The following MCPH1 variants were observed in gnomAD, a reference collection of about 807,000 sequenced individuals.
The protein encoded by MCPH1 is microcephalin.
In MCPH1, 104 loss-of-function variants were observed where a neutral mutation model predicts 84.5. That is an observed-to-expected ratio of 1.23 (90% confidence interval 1.05 to 1.45). The LOEUF (loss-of-function observed/expected upper bound fraction) is 1.45. MCPH1 is among the 40% of genes most tolerant of loss of function. The probability of loss-of-function intolerance (pLI) is 0.00; values close to 1 mark genes in which losing one functional copy is unlikely to be tolerated. For synonymous variants in MCPH1, 514 were observed against 366.8 expected, an observed-to-expected ratio of 1.40 and a Z score of -4.58; for missense variants, 1,498 against 1,005.7, an observed-to-expected ratio of 1.49 and a Z score of -6.62.
chr8:6,497,208 C>T (rs531597533), intron 11 of MCPH1, among the ~76,000 whole-genome samples: 11 of 151,882 alleles, frequency 7.2e-5, no homozygotes, highest in African/African-American at 2.2e-4. Flanking sequence ...GGGCTGGGTG[C>T]GGTGGCTCAC....
chr8:6,622,700 G>C (rs1831590381), intron 13 of MCPH1, among the ~76,000 whole-genome samples: 3 of 152,200 alleles, frequency 2.0e-5, no homozygotes, highest in Admixed American at 2.0e-4. Context: ...CTTGCAGACA[G>C]CTGCCTTCTT....
chr8:6,436,910 C>T (rs963389632), intron 5 of MCPH1, among the ~76,000 whole-genome samples: 11 of 151,882 alleles, frequency 7.2e-5, no homozygotes, highest in African/African-American at 2.4e-4. Flanking sequence ...GCAGAGCTTG[C>T]AGTGAGCCGA....
At chr8:6,451,867 GA>G (rs1418405546) in intron 8 of MCPH1, among the ~76,000 whole-genome samples, 1 of 152,186 alleles carries the variant, frequency 6.6e-6, no homozygotes, top group Non-Finnish European at 1.5e-5. Flanking sequence ...TCAGCCTTCA[GA>G]AGCCTTTTCA....
intron 9 of MCPH1, among the ~76,000 whole-genome samples, chr8:6,463,267 G>A (rs1403859804): frequency 2.0e-5 from 3 of 152,152 alleles, no homozygotes; most frequent in African/African-American, 7.2e-5. Flanking sequence ...CCGCTTGGGG[G>A]ATCTGCTTCC....
At chr8:6,489,334 G>A (rs533089134) in intron 11 of MCPH1, among the ~76,000 whole-genome samples, 6 of 152,098 alleles carry the variant, frequency 3.9e-5, no homozygotes, top group Non-Finnish European at 5.9e-5. Context: ...AGGGGGACCC[G>A]GGAACGGCTA....
rs552931220 is a variant in MCPH1, at chr8:6,606,952, G to A, written c.2215-14502G>A. Among the ~76,000 whole-genome samples, 29 of 152,328 alleles carry A rather than the reference G, an allele frequency of 1.9e-4. No homozygotes were observed. The South Asian group carries it at 4.6e-3, about 24-fold the overall frequency. On this transcript the variant is annotated intron_variant, in intron 12 of 13. Coordinates refer to ENST00000344683, the MANE Select transcript of MCPH1 (RefSeq NM_024596.5). ...GAGGCCTCCCCAGCCACATGGAACT[G>A]TAAGTCCATTAAACCTCTTTCTTTT...
intron 12 of MCPH1, among the ~76,000 whole-genome samples, chr8:6,523,152 C>T (rs1277075351): frequency 6.6e-6 from 1 of 152,090 alleles, no homozygotes; most frequent in Non-Finnish European, 1.5e-5. Context: ...CGCATGTCAC[C>T]ATGTCAGGCT....
chr8:6,604,898 CTAAG>C (rs1446218048), intron 12 of MCPH1, among the ~76,000 whole-genome samples: 2 of 152,332 alleles, frequency 1.3e-5, no homozygotes, highest in African/African-American at 2.4e-5. Context: ...AATTGAGTCT[CTAAG>C]TAAGGAGGAG....
chr8:6,579,268 C>T lies in MCPH1; in HGVS notation c.2215-42186C>T, dbSNP rs117031623. On this transcript the variant is annotated intron_variant, in intron 12 of 13. Coordinates refer to ENST00000344683, the MANE Select transcript of MCPH1 (RefSeq NM_024596.5). ...ATCGGCAGAGTTCCAGGTATGGTGT[C>T]TGATGCGTGAGTTCGCCCCCTTTCC... is the stretch of plus-strand genomic sequence containing the variant. Among the ~76,000 whole-genome samples, 1,255 of 152,312 alleles carry T rather than the reference C, an allele frequency of 8.2e-3. 7 individuals carry two copies. Among genetic ancestry groups the T allele is most frequent in the Middle Eastern group, 0.024 (7 of 294 alleles).
intron 12 of MCPH1, among the ~76,000 whole-genome samples, chr8:6,565,093 A>C (rs147188977): frequency 1.6e-4 from 24 of 152,344 alleles, no homozygotes; most frequent in Non-Finnish European, 2.9e-4. Context: ...GGTCTTAAAG[A>C]TGAGACCTGT....
At chr8:6,519,076 A>T (rs117576802) in intron 12 of MCPH1, among the ~76,000 whole-genome samples, 43 of 152,322 alleles carry the variant, frequency 2.8e-4, no homozygotes, top group South Asian at 1.5e-3. Flanking sequence ...GTAATTGGAC[A>T]TATGCCTTGA....
chr8:6,444,575 A>G lies in MCPH1; in HGVS notation c.853A>G (p.Lys285Glu), dbSNP rs1273503084. 9 of 1,614,162 alleles carry G rather than the reference A, an allele frequency of 5.6e-6. No homozygotes were observed. The highest frequency in any genetic ancestry group is 7.6e-6 in the Non-Finnish European group (9 of 1,179,982). Residue 285 changes from lysine to glutamate, a missense_variant, in exon 8 of 14, where the codon AAA becomes GAA. Transcript: ENST00000344683. ...ATCACCATCTTTCACTCACCTCGATAAATCAAGTCCTCAGAAATTTCTGAG... is the reference window on the plus strand; with the variant it reads ...ATCACCATCTTTCACTCACCTCGATGAATCAAGTCCTCAGAAATTTCTGAG... Reference protein sequence around the residue: ...HSSPSFTHLDKSSPQKFLSNL... With the variant: ...HSSPSFTHLDESSPQKFLSNL...
chr8:6,529,521 T>C (rs13268979), intron 12 of MCPH1, among the ~76,000 whole-genome samples: 35,456 of 150,556 alleles, frequency 0.24, 5,169 homozygotes, highest in Middle Eastern at 0.39. Context: ...GCACCATATC[T>C]GTTCACTACA....
chr8:6,515,807 C>T (rs1816151234), intron 12 of MCPH1, among the ~76,000 whole-genome samples: 1 of 152,096 alleles, frequency 6.6e-6, no homozygotes, highest in South Asian at 2.1e-4. Flanking sequence ...ATAATGGAGG[C>T]GATTTGGCAG....
intron 12 of MCPH1, among the ~76,000 whole-genome samples, chr8:6,556,433 C>T (rs1057307112): frequency 6.6e-6 from 1 of 151,892 alleles, no homozygotes; most frequent in African/African-American, 2.4e-5. Flanking sequence ...GTGTAGTGAC[C>T]AAGGACTTAA....
intron 11 of MCPH1, among the ~76,000 whole-genome samples, chr8:6,487,146 C>G (rs1455800954): frequency 6.6e-6 from 1 of 152,228 alleles, no homozygotes; most frequent in Non-Finnish European, 1.5e-5. Context: ...AGCTAATTCA[C>G]TTATAAATAC....
chr8:6,475,243 C>T (rs1808295706), intron 9 of MCPH1, among the ~76,000 whole-genome samples: 1 of 152,260 alleles, frequency 6.6e-6, no homozygotes, highest in South Asian at 2.1e-4. Context: ...CCTGCCCTAA[C>T]AGCAAATGCT....
intron 12 of MCPH1, among the ~76,000 whole-genome samples, chr8:6,551,900 C>G: frequency 6.6e-6 from 1 of 152,168 alleles, no homozygotes; most frequent in East Asian, 1.9e-4. Context: ...AATTTTTAAG[C>G]TACATCTGTA....
rs1018419406 is a variant in MCPH1, at chr8:6,643,149, T to C, written c.*100T>C. 4 of 1,022,948 alleles carry C rather than the reference T, an allele frequency of 3.9e-6. No individual in the cohort carries two copies. The highest frequency in any genetic ancestry group is 3.1e-5 in the African/African-American group (2 of 63,658). The allele number at this position is 1,022,948 out of a possible 1,614,324, so 63.4% of individuals were successfully genotyped here. A position where few individuals can be genotyped will look rare whatever the true frequency, so the allele number is the denominator to read the frequency against. On this transcript the variant is annotated 3_prime_UTR_variant, in exon 14 of 14. Coordinates refer to ENST00000344683, the MANE Select transcript of MCPH1 (RefSeq NM_024596.5). ...ACTGTGAAGAGAAGGAACTGGCGTA[T>C]ACAAGATGACTTCTGATATCATGTT...
Sources: gnomAD v4.1 joint callset for allele counts (sites outside exome capture counted in the v4.1 genomes callset) on GRCh38, gnomAD v4.1.1 for gene constraint, MANE v1.5 for transcripts, NCBI Gene and HGNC (gene_info 2026-07-23, HGNC 2026-07-21) for gene names.